The following ZPBP2 variants were observed in gnomAD, a reference collection of about 807,000 sequenced individuals.
The protein encoded by ZPBP2 is zona pellucida binding protein 2, also known as zona pellucida-binding protein 2.
In ZPBP2, 34 loss-of-function variants were observed where a neutral mutation model predicts 37.5. That is an observed-to-expected ratio of 0.91 (90% CI 0.69 to 1.21). The LOEUF (loss-of-function observed/expected upper bound fraction) is 1.21, where lower values mean the gene tolerates loss of function less well. ZPBP2 is among the 50% of genes most tolerant of loss of function. The probability of loss-of-function intolerance (pLI) is 0.00; values close to 1 mark genes in which losing one functional copy is unlikely to be tolerated. For missense variants in ZPBP2, 397 were observed against 413.5 expected (o/e 0.96, Z 0.35); for synonymous variants, 143 against 138.4 (o/e 1.03, Z -0.23).
intron 6 of ZPBP2, among the ~76,000 whole-genome samples, chr17:39,874,090 A>G (rs1462341732): frequency 3.3e-5 from 5 of 150,434 alleles, no homozygotes; most frequent in South Asian, 2.1e-4. Context: ...GGTTCAAGCA[A>G]TTCTCCTGCC....
At chr17:39,873,212 G>A (rs2063373706) in intron 6 of ZPBP2, 86 bp downstream of exon 6, 9 of 1,188,596 alleles carry the variant, frequency 7.6e-6, no homozygotes, top group Non-Finnish European at 1.1e-5. Flanking sequence ...GCAGTGGTGC[G>A]ACCATAGCTC....
At chr17:39,875,831 C>T in intron 7 of ZPBP2, among the ~76,000 whole-genome samples, 1 of 147,824 alleles carries the variant, frequency 6.8e-6, no homozygotes, top group East Asian at 2.0e-4. Flanking sequence ...ATCCGTCTGC[C>T]TTGGCTTCCG....
At chr17:39,872,990 T>C in intron 5 of ZPBP2, 54 bp from the exon 6 acceptor site, 1 of 1,526,172 alleles carries the variant, frequency 6.6e-7, no homozygotes, top group Non-Finnish European at 9.0e-7. Context: ...TTTATTGAAA[T>C]GTTTGGAACT....
Position 39,872,347 on chromosome 17 carries a change from G to A in ZPBP2, c.484G>A (p.Val162Ile). Residue 162 changes from valine (V) to isoleucine (I), a missense_variant, in exon 5 of 8, where the codon GTA becomes ATA. By Grantham distance (29) the Val-to-Ile change is conservative. Coordinates refer to ENST00000348931, the MANE Select transcript of ZPBP2 (RefSeq NM_199321.3). ...TRSCIGRYND[V>I]FFRVLKKILD... is the part of the protein sequence containing the mutation. ...GTCTTGTATAGGGAGATACAATGAT[G>A]TATTCTTTAGAGTGCTGAAGAAAAT... 1 of 1,613,182 alleles carries A rather than the reference G, an allele frequency of 6.2e-7. No individual in the cohort carries two copies. Among genetic ancestry groups the A allele is most frequent in the Non-Finnish European group, 8.5e-7 (1 of 1,179,674 alleles).
At chr17:39,871,288 A>G (rs983079961) in intron 3 of ZPBP2, among the ~76,000 whole-genome samples, 176 bp from the exon 4 acceptor site, 3 of 152,182 alleles carry the variant, frequency 2.0e-5, no homozygotes, top group Admixed American at 6.5e-5. Flanking sequence ...TCAAAAGTGT[A>G]CTTATCTCAT....
chr17:39,869,687 G>A (rs1429124192), intron 2 of ZPBP2, among the ~76,000 whole-genome samples: 2 of 146,102 alleles, frequency 1.4e-5, no homozygotes, highest in African/African-American at 5.1e-5. Context: ...TTACAGGCAT[G>A]AGCCACAGCA....
At chr17:39,876,171 G>A (rs1258152925) in intron 7 of ZPBP2, among the ~76,000 whole-genome samples, 1 of 151,966 alleles carries the variant, frequency 6.6e-6, no homozygotes, top group Non-Finnish European at 1.5e-5. Flanking sequence ...TGCCCGCCTT[G>A]GCCTCCCAAA....
In ZPBP2 at chr17:39,871,464, G is replaced by C. The variant is rs764169384; in HGVS notation, c.245G>C (p.Gly82Ala). ...ATAAGTAATTTACTATTCTGTTTAGGAAATAATAGAATAAATATAACTGAA... is the reference window on the plus strand; with the variant it reads ...ATAAGTAATTTACTATTCTGTTTAGCAAATAATAGAATAAATATAACTGAA... ...WIGPNEKTLT[G>A]NNRINITETG... The change falls in exon 4 of 8, where the codon GGA becomes GCA. Residue 82 changes from glycine to alanine, a missense_variant and splice_region_variant. Coordinates refer to ENST00000348931, the MANE Select transcript of ZPBP2 (RefSeq NM_199321.3). 1 of 1,566,910 alleles carries C rather than the reference G, an allele frequency of 6.4e-7. No homozygotes were observed. Among genetic ancestry groups the C allele is most frequent in the Admixed American group, 1.9e-5 (1 of 52,058 alleles).
intron 5 of ZPBP2, 75 bp from the exon 6 acceptor site, chr17:39,872,969 G>A: frequency 3.0e-6 from 4 of 1,333,458 alleles, no homozygotes; most frequent in Non-Finnish European, 3.2e-6. Flanking sequence ...ATGGAATTCA[G>A]CACTTGGACC....
chr17:39,872,143 TTA>T (rs1257009657), intron 4 of ZPBP2, 125 bp from the exon 5 acceptor site: 2 of 653,142 alleles, frequency 3.1e-6, no homozygotes, highest in African/African-American at 1.9e-5. Flanking sequence ...TGATAAAACG[TTA>T]TGTTTCTATG....
chr17:39,869,407 T>C (rs1167215410), intron 2 of ZPBP2, among the ~76,000 whole-genome samples: 20 of 111,990 alleles, frequency 1.8e-4, no homozygotes, highest in Admixed American at 1.1e-3. Flanking sequence ...CCTTCCTTCT[T>C]TTTTTTTTTT....
chr17:39,870,959 T>C (rs2063362298), intron 3 of ZPBP2, 140 bp downstream of exon 3: 1 of 800,112 alleles, frequency 1.2e-6, no homozygotes, highest in African/African-American at 1.8e-5. Flanking sequence ...AATCATGTTA[T>C]ATTTTGGCCA....
intron 7 of ZPBP2, 134 bp downstream of exon 7, chr17:39,875,568 A>C: frequency 1.3e-6 from 1 of 740,782 alleles, no homozygotes; most frequent in Non-Finnish European, 1.9e-6. Flanking sequence ...ATTTAGCTAA[A>C]AGGAAGTAAA....
intron 2 of ZPBP2, among the ~76,000 whole-genome samples, chr17:39,869,523 G>A (rs2063352220): frequency 6.7e-6 from 1 of 148,804 alleles, no homozygotes; most frequent in South Asian, 2.1e-4. Context: ...TCCTGCCTCA[G>A]CCTCCCTAGT....
At chr17:39,872,629 G>A (rs1714534595) in intron 5 of ZPBP2, 141 bp downstream of exon 5, 1 of 594,884 alleles carries the variant, frequency 1.7e-6, no homozygotes, top group Non-Finnish European at 2.8e-6. Context: ...GTTGACCTTA[G>A]CCTGTTTATG....
intron 3 of ZPBP2, 105 bp downstream of exon 3, chr17:39,870,924 G>A (rs1439959651): frequency 9.9e-7 from 1 of 1,009,890 alleles, no homozygotes; most frequent in African/African-American, 1.6e-5. Context: ...TTTAATGGCA[G>A]TTTCTCTTGC....
intron 2 of ZPBP2, among the ~76,000 whole-genome samples, chr17:39,869,553 C>G (rs550561075): frequency 6.7e-6 from 1 of 149,190 alleles, no homozygotes; most frequent in Non-Finnish European, 1.5e-5. Context: ...TACAGGCGTG[C>G]GCCACCACGC....
Position 39,873,882 on chromosome 17 carries a change from C to CT in ZPBP2, c.708+758dup, listed in dbSNP as rs555883220. On this transcript the variant is annotated intron_variant, in intron 6 of 7. Transcript: ENST00000348931. Reference sequence around the variant, plus strand: ...TGTCCTTAATTGTTATTGTGCATGGCTTATGAGAAGCACTTAGTTAAAATT... The same window carrying CT: ...TGTCCTTAATTGTTATTGTGCATGGCTTTATGAGAAGCACTTAGTTAAAATT... Among the ~76,000 whole-genome samples the CT allele has an allele frequency of 5.9e-3, 896 of 151,876 alleles. 5 individuals carry two copies. Among genetic ancestry groups the CT allele is most frequent in the Non-Finnish European group, 9.8e-3 (665 of 67,986 alleles).
intron 7 of ZPBP2, among the ~76,000 whole-genome samples, 191 bp downstream of exon 7, chr17:39,875,625 G>A (rs1370890109): frequency 1.3e-5 from 2 of 150,190 alleles, no homozygotes; most frequent in Non-Finnish European, 3.0e-5. Context: ...TTGAGATAGA[G>A]TCTCACTCTT....
Sources: gnomAD v4.1 joint callset for allele counts (sites outside exome capture counted in the v4.1 genomes callset) on GRCh38, gnomAD v4.1.1 for gene constraint, MANE v1.5 for transcripts, NCBI Gene and HGNC (gene_info 2026-07-23, HGNC 2026-07-21) for gene names.